Variants in SCAMP1 observed in about 807,000 individuals in gnomAD.
SCAMP1 encodes the protein secretory carrier-associated membrane protein 1.
In SCAMP1, 15 loss-of-function variants were observed where a neutral mutation model predicts 41.8. That is an observed-to-expected ratio of 0.36 (90% CI 0.24 to 0.55). SCAMP1 has a LOEUF of 0.55. Among genes scored for constraint, SCAMP1 ranks in the 20% least tolerant of loss-of-function variants. The probability of loss-of-function intolerance (pLI) is 0.86; values close to 1 mark genes in which losing one functional copy is unlikely to be tolerated. For synonymous variants in SCAMP1, 135 were observed against 136.8 expected (o/e 0.99, Z 0.09); for missense variants, 341 against 412.6 (o/e 0.83, Z 1.50).
chr5:78,376,485 A>G (rs139060035), intron 1 of SCAMP1, among the ~76,000 whole-genome samples: 186 of 152,280 alleles, frequency 1.2e-3, no homozygotes, highest in Non-Finnish European at 1.4e-3. Flanking sequence ...AATGTCATTT[A>G]TTATTGCCGG....
At chr5:78,470,394 A>G (rs1280337342) in intron 8 of SCAMP1, among the ~76,000 whole-genome samples, 1 of 152,152 alleles carries the variant, frequency 6.6e-6, no homozygotes, top group Admixed American at 6.6e-5. Context: ...TATTTTAGAT[A>G]TTTCATATAA....
chr5:78,398,017 G>A (rs1751696947), intron 2 of SCAMP1, among the ~76,000 whole-genome samples: 1 of 152,200 alleles, frequency 6.6e-6, no homozygotes, highest in Non-Finnish European at 1.5e-5. Context: ...AAATGGTGCA[G>A]CTGCTTTGGA....
chr5:78,413,506 C>T (rs1039706562), intron 2 of SCAMP1, among the ~76,000 whole-genome samples: 20 of 151,662 alleles, frequency 1.3e-4, no homozygotes, highest in Non-Finnish European at 2.4e-4. Context: ...CAACCTCTGC[C>T]TCCCAGGCTC....
intron 1 of SCAMP1, among the ~76,000 whole-genome samples, chr5:78,373,212 T>G (rs532602916): frequency 2.6e-5 from 4 of 152,260 alleles, no homozygotes; most frequent in Non-Finnish European, 5.9e-5. Context: ...ATGTATAGTT[T>G]ATAGAACTTT....
chr5:78,469,841 T>A (rs907210038), intron 8 of SCAMP1, among the ~76,000 whole-genome samples: 1 of 129,576 alleles, frequency 7.7e-6, no homozygotes, highest in Non-Finnish European at 1.6e-5. Context: ...GAGTTTGAGA[T>A]CAGCCTGGGC....
In SCAMP1 at chr5:78,421,976, T is replaced by C. The variant is rs772822775; in HGVS notation, c.632+16T>C. On this transcript the variant is annotated intron_variant, in intron 6 of 8. Coordinates refer to ENST00000621999, the MANE Select transcript of SCAMP1 (RefSeq NM_004866.6). ...GAGCTTTCAGGTAAAATGTGTGTACTTTAAAATACACTCTTTAAAACCTGT... is the reference window on the plus strand; with the variant it reads ...GAGCTTTCAGGTAAAATGTGTGTACCTTAAAATACACTCTTTAAAACCTGT... 18 of 1,595,240 alleles carry C rather than the reference T, an allele frequency of 1.1e-5. No homozygotes were observed. Among genetic ancestry groups the C allele is most frequent in the Admixed American group, 3.4e-5 (2 of 58,478 alleles).
intron 2 of SCAMP1, among the ~76,000 whole-genome samples, chr5:78,412,017 G>C (rs1364780073): frequency 1.3e-5 from 2 of 151,874 alleles, no homozygotes; most frequent in African/African-American, 4.8e-5. Flanking sequence ...GAAATTTTTT[G>C]TATGTTTATT....
Position 78,441,037 on chromosome 5 carries a change from C to G in SCAMP1, c.633-8896C>G, listed in dbSNP as rs112484260. ...CACAGGATATAATCTCCTGGTGTGC[C>G]GTTTGCTAAGACCATTGGAAAAGCA... On this transcript the variant is annotated intron_variant, in intron 6 of 8. Transcript: ENST00000621999. Among the ~76,000 whole-genome samples, 1,304 of 152,306 alleles carry G rather than the reference C, an allele frequency of 8.6e-3. 21 individuals carry two copies. The highest frequency in any genetic ancestry group is 0.029 in the African/African-American group (1,219 of 41,570).
intron 2 of SCAMP1, among the ~76,000 whole-genome samples, chr5:78,413,517 A>T (rs1752133841): frequency 6.6e-6 from 1 of 151,270 alleles, no homozygotes; most frequent in Non-Finnish European, 1.5e-5. Flanking sequence ...TCCCAGGCTC[A>T]AGCGATTCTC....
At chr5:78,366,475 C>T (rs547421686) in intron 1 of SCAMP1, among the ~76,000 whole-genome samples, 2 of 152,146 alleles carry the variant, frequency 1.3e-5, no homozygotes, top group African/African-American at 4.8e-5. Context: ...GGATATTAAT[C>T]CCATTCTTGA....
At chr5:78,404,453 G>GGTTTTTTTTTTTTTT (rs1751880392) in intron 2 of SCAMP1, among the ~76,000 whole-genome samples, 1 of 98,180 alleles carries the variant, frequency 1.0e-5, no homozygotes, top group African/African-American at 4.5e-5. Context: ...AGCCTTACAG[G>GGTTTTTTTTTTTTTT]TTTTTTTTTT....
intron 6 of SCAMP1, among the ~76,000 whole-genome samples, chr5:78,437,529 A>T (rs967911659): frequency 1.3e-5 from 2 of 152,192 alleles, no homozygotes; most frequent in African/African-American, 4.8e-5. Context: ...TGATTTGCGC[A>T]TGTTGAACCA....
chr5:78,411,252 C>A (rs1277022344), intron 2 of SCAMP1, among the ~76,000 whole-genome samples: 1 of 152,000 alleles, frequency 6.6e-6, no homozygotes, highest in Admixed American at 6.6e-5. Context: ...TTTTCTTCTA[C>A]AGTTTTTATA....
chr5:78,448,376 G>GA (rs1753123621), intron 6 of SCAMP1, among the ~76,000 whole-genome samples: 1 of 150,368 alleles, frequency 6.7e-6, no homozygotes, highest in Non-Finnish European at 1.5e-5. Context: ...AACAGACGGA[G>GA]GGAAAATCTT....
intron 2 of SCAMP1, among the ~76,000 whole-genome samples, chr5:78,400,736 G>A (rs1439966430): frequency 6.6e-6 from 1 of 152,248 alleles, no homozygotes; most frequent in South Asian, 2.1e-4. Context: ...ATTAGTTCTA[G>A]GAGGTTTTTG....
At chr5:78,403,380 A>G (rs777240960) in intron 2 of SCAMP1, among the ~76,000 whole-genome samples, 38 of 152,186 alleles carry the variant, frequency 2.5e-4, no homozygotes, top group Non-Finnish European at 5.0e-4. Context: ...GCTGATATAT[A>G]AGCATATATA....
chr5:78,449,894 T>A (rs878937632), intron 6 of SCAMP1, 39 bp from the exon 7 acceptor site: 1 of 1,158,856 alleles, frequency 8.6e-7, no homozygotes, highest in African/African-American at 1.6e-5. Flanking sequence ...TCTCTCCCCC[T>A]AACCCCCTTT....
chr5:78,458,696 A>G (rs1238588065), intron 7 of SCAMP1, among the ~76,000 whole-genome samples: 1 of 152,176 alleles, frequency 6.6e-6, no homozygotes, highest in Non-Finnish European at 1.5e-5. Context: ...TCTGACCAAC[A>G]TGGTGAAACC....
intron 6 of SCAMP1, among the ~76,000 whole-genome samples, chr5:78,449,441 A>C (rs778589345): frequency 8.5e-5 from 13 of 152,182 alleles, no homozygotes; most frequent in Admixed American, 2.0e-4. Flanking sequence ...ATTCTATAAA[A>C]TAGTCAAACT....
Sources: gnomAD v4.1 joint callset for allele counts (sites outside exome capture counted in the v4.1 genomes callset) on GRCh38, gnomAD v4.1.1 for gene constraint, MANE v1.5 for transcripts, NCBI Gene and HGNC (gene_info 2026-07-23, HGNC 2026-07-21) for gene names.